The following CFAP47 variants were observed in gnomAD, a reference collection of about 807,000 sequenced individuals.
The protein encoded by CFAP47 is cilia and flagella associated protein 47.
In CFAP47, 29 loss-of-function variants were observed where a neutral mutation model predicts 148.1. The observed-to-expected ratio is 0.20, with a 90% CI of 0.15 to 0.27. The LOEUF is 0.27. CFAP47 is among the 10% of genes least tolerant of loss of function. CFAP47 has a pLI of 1.00. For missense variants in CFAP47, 1,872 were observed against 1,697.5 expected, an observed-to-expected ratio of 1.10 and a Z score of -1.81; for synonymous variants, 664 against 577.3, an observed-to-expected ratio of 1.15 and a Z score of -2.15.
intron 57 of CFAP47, among the ~76,000 whole-genome samples, chrX:36,332,566 C>T (rs1941573691): frequency 9.0e-6 from 1 of 111,641 alleles, no homozygotes; most frequent in African/African-American, 3.3e-5. Context: ...CTGGGCACAA[C>T]CACACATTAC....
intron 62 of CFAP47, chrX:36,375,094 A>T (rs1289379672): frequency 2.6e-6 from 1 of 389,153 alleles, no homozygotes; most frequent in Non-Finnish European, 4.7e-6. Flanking sequence ...ATGACTTTGG[A>T]GCATGACCTA....
chrX:36,028,573 A>G (rs760527494), intron 22 of CFAP47, among the ~76,000 whole-genome samples: 1 of 111,172 alleles, frequency 9.0e-6, no homozygotes, highest in African/African-American at 3.2e-5. Context: ...CCTTATAGAT[A>G]TCTTTTACTT....
intron 39 of CFAP47, among the ~76,000 whole-genome samples, chrX:36,176,006 G>A (rs921557152): frequency 8.0e-5 from 9 of 112,217 alleles, no homozygotes; most frequent in Middle Eastern, 4.6e-3. Context: ...CTCCTGGCGC[G>A]CCCTTTTTTA....
chrX:36,284,615 A>G (rs1044010517), intron 50 of CFAP47, among the ~76,000 whole-genome samples: 10 of 111,697 alleles, frequency 9.0e-5, no homozygotes, highest in Non-Finnish European at 1.3e-4. Flanking sequence ...GTGCCATACA[A>G]TACAGTACAA....
chrX:36,267,336 A>G (rs1263315694), intron 49 of CFAP47, among the ~76,000 whole-genome samples: 1 of 111,538 alleles, frequency 9.0e-6, no homozygotes, highest in Non-Finnish European at 1.9e-5. Flanking sequence ...AGTGCTATCA[A>G]TATCTTGGCT....
At chrX:36,234,510 A>G (rs2146907528) in intron 46 of CFAP47, among the ~76,000 whole-genome samples, 1 of 111,433 alleles carries the variant, frequency 9.0e-6, no homozygotes, top group East Asian at 2.8e-4. Context: ...CTAGTTTTAC[A>G]TTCGTTTAAA....
chrX:36,365,342 C>T (rs1167911629), intron 61 of CFAP47, among the ~76,000 whole-genome samples: 1 of 110,325 alleles, frequency 9.1e-6, no homozygotes, highest in Non-Finnish European at 1.9e-5. Flanking sequence ...AATTTTACTC[C>T]CTTTTTTTTG....
chrX:36,038,888 C>G (rs1937368497), intron 24 of CFAP47, 96 bp from the exon 25 acceptor site: 1 of 413,329 alleles, frequency 2.4e-6, no homozygotes, highest in South Asian at 6.4e-5. Context: ...GTTGTAACAT[C>G]ATCGTACATT....
intron 49 of CFAP47, among the ~76,000 whole-genome samples, chrX:36,266,144 G>A (rs782675209): frequency 1.8e-5 from 2 of 111,079 alleles, no homozygotes; most frequent in Non-Finnish European, 3.8e-5. Context: ...GGGCACGGTG[G>A]GTGTAAATGC....
intron 49 of CFAP47, among the ~76,000 whole-genome samples, chrX:36,255,727 G>A (rs1940742921): frequency 9.0e-6 from 1 of 111,512 alleles, no homozygotes; most frequent in South Asian, 3.7e-4. Context: ...AAAGAAAGGA[G>A]AAAGTAGAGT....
At chrX:36,240,382 G>T (rs1235162164) in intron 48 of CFAP47, among the ~76,000 whole-genome samples, 6 of 109,750 alleles carry the variant, frequency 5.5e-5, no homozygotes, top group African/African-American at 6.6e-5. Context: ...CCCATCTAAA[G>T]AATTAATGAA....
At chrX:36,024,122 G>T (rs1937189903) in intron 22 of CFAP47, among the ~76,000 whole-genome samples, 1 of 111,847 alleles carries the variant, frequency 8.9e-6, no homozygotes, top group Admixed American at 9.5e-5. Context: ...AGTCACTGCT[G>T]ATTATTCAGG....
intron 25 of CFAP47, among the ~76,000 whole-genome samples, chrX:36,045,199 G>C (rs1937450372): frequency 9.0e-6 from 1 of 111,582 alleles, no homozygotes; most frequent in Non-Finnish European, 1.9e-5. Context: ...GATATTAGCT[G>C]TTGGTCTGTC....
chrX:36,099,943 G>A, intron 32 of CFAP47, 64 bp downstream of exon 32: 1 of 580,009 alleles, frequency 1.7e-6, no homozygotes, highest in Non-Finnish European at 2.8e-6. Context: ...GTTAATTAAA[G>A]TATAGACAAT....
intron 62 of CFAP47, among the ~76,000 whole-genome samples, chrX:36,377,165 C>T (rs782651286): frequency 6.3e-5 from 7 of 111,548 alleles, no homozygotes; most frequent in Admixed American, 9.5e-5. Context: ...GGTCAAATGG[C>T]ATTTCTAGTT....
intron 45 of CFAP47, among the ~76,000 whole-genome samples, chrX:36,208,556 A>C (rs1555989065): frequency 8.9e-6 from 1 of 111,943 alleles, no homozygotes; most frequent in East Asian, 2.8e-4. Flanking sequence ...CGTGTTGTTC[A>C]ATGGTCAACT....
chrX:35,925,364 G>C (rs1356176388), intron 1 of CFAP47, among the ~76,000 whole-genome samples: 2 of 108,781 alleles, frequency 1.8e-5, no homozygotes, highest in Non-Finnish European at 3.8e-5. Context: ...AACAGAGTGA[G>C]ACTCCATCTC....
chrX:36,285,128 C>T (rs1941119159), intron 50 of CFAP47, among the ~76,000 whole-genome samples: 1 of 110,747 alleles, frequency 9.0e-6, no homozygotes, highest in South Asian at 3.8e-4. Context: ...TTTCCTTGGG[C>T]TAAATTCTTA....
At position 36,235,941 on chromosome X, in the gene CFAP47, A is replaced by G; in HGVS notation, c.7022A>G (p.Gln2341Arg). The G allele has an allele frequency of 4.1e-6, 2 of 488,487 alleles. No homozygotes were observed. The highest frequency in any genetic ancestry group is 7.4e-6 in the Non-Finnish European group (2 of 271,964). 40.3% of individuals were successfully genotyped at this position (488,487 alleles called of 1,213,427 possible). Residue 2341 changes from glutamine to arginine, a missense_variant, in exon 47 of 64, where the codon CAA (glutamine) becomes CGA (arginine). Gln to Arg is a conservative substitution (Grantham distance 43). Coordinates refer to ENST00000378653, the MANE Select transcript of CFAP47 (RefSeq NM_001304548.2). ...ACCTTTTTCATGCTTTAGAAAAATC[A>G]AACAAACGATAAATGGACCTTTCAA... The part of the protein sequence containing the change: ...ALTQNIPIKN[Q>R]TNDKWTFQVT...
Sources: allele counts gnomAD v4.1 joint callset (sites outside exome capture counted in the v4.1 genomes callset), GRCh38; gene constraint gnomAD v4.1.1; transcripts MANE v1.5; gene names NCBI Gene and HGNC (gene_info 2026-07-23, HGNC 2026-07-21).